Variants in MEIS3 observed in about 807,000 individuals in gnomAD.
The protein encoded by MEIS3 is Meis homeobox 3.
A neutral mutation model predicts 51.4 loss-of-function variants in MEIS3; 38 were observed. The ratio of observed to expected loss-of-function variants is 0.74; its 90% CI spans 0.57 to 0.97. The LOEUF is 0.97. MEIS3 is among the 50% of genes least tolerant of loss of function. The probability of loss-of-function intolerance (pLI) is 0.00; values close to 1 mark genes in which losing one functional copy is unlikely to be tolerated. For synonymous variants in MEIS3, 198 were observed against 201.8 expected (o/e 0.98, Z 0.16); for missense variants, 456 against 502.6 (o/e 0.91, Z 0.89).
In MEIS3 at chr19:47,409,266, G is replaced by A; in HGVS notation, c.710-19C>T. ...CCGTCTCCTGAGGGAAGGCAGGCAT[G>A]CTGTGTGTGTGGGTAGTGAAGAGTG... is the stretch of plus-strand genomic sequence containing the variant. On this transcript the variant is annotated intron_variant, in intron 7 of 12. Transcript: ENST00000558555. The A allele has an allele frequency of 1.2e-6, 2 of 1,601,236 alleles. No individual in the cohort carries two copies. The highest frequency in any genetic ancestry group is 1.7e-6 in the Non-Finnish European group (2 of 1,174,554).
chr19:47,407,279 C>A, intron 9 of MEIS3, 73 bp downstream of exon 9: 1 of 1,546,790 alleles, frequency 6.5e-7, no homozygotes. Context: ...GGGCTCGGGG[C>A]CTCCGTCAGC....
upstream of MEIS3, among the ~76,000 whole-genome samples, chr19:47,421,945 C>T (rs1971724709): frequency 6.6e-6 from 1 of 151,784 alleles, no homozygotes; most frequent in South Asian, 2.1e-4. Context: ...CCCTGGCTCT[C>T]TCCCCTCTCC....
intron 10 of MEIS3, 37 bp from the exon 11 acceptor site, chr19:47,407,008 G>A (rs763386920): frequency 6.3e-7 from 1 of 1,575,946 alleles, no homozygotes; most frequent in Non-Finnish European, 8.6e-7. Flanking sequence ...CTGAGCCCCA[G>A]GAAGCCCGGG....
Position 47,417,247 on chromosome 19 carries a change from C to T in MEIS3, c.116G>A (p.Arg39Gln), listed in dbSNP as rs1568429890. The change falls in exon 2 of 13, where the codon CGG becomes CAG. Residue 39 changes from arginine to glutamine, a missense_variant. Physicochemically the swap from Arg to Gln is conservative, Grantham distance 43 (BLOSUM62 1). Coordinates refer to ENST00000558555, the MANE Select transcript of MEIS3 (RefSeq NM_001301059.2). ...GCCTGGGGGCAGGGGCTGGGGAGGC[C>T]GGTGCGGGCCATAGGGCCCTGGTAC... Reference protein sequence around the residue: ...PAVPGPYGPHRPPQPLPPGLD... With the variant: ...PAVPGPYGPHQPPQPLPPGLD... 4.4e-6 allele frequency: 7 copies of T among 1,605,936 alleles called. No homozygotes were observed. Among genetic ancestry groups the T allele is most frequent in the Non-Finnish European group, 5.1e-6 (6 of 1,176,192 alleles).
chr19:47,421,143 C>T (rs1971704935), upstream of MEIS3, among the ~76,000 whole-genome samples: 1 of 151,964 alleles, frequency 6.6e-6, no homozygotes. Flanking sequence ...TGTCTGGAAG[C>T]GTCTTCCCTG....
At chr19:47,405,370 G>A (rs1272259549) in intron 12 of MEIS3, among the ~76,000 whole-genome samples, 1 of 152,054 alleles carries the variant, frequency 6.6e-6, no homozygotes, top group African/African-American at 2.4e-5. Flanking sequence ...CCCATCCAGA[G>A]GCCACTTCCT....
At chr19:47,409,607 T>TA in intron 6 of MEIS3, 60 bp from the exon 7 acceptor site, 1 of 1,226,416 alleles carries the variant, frequency 8.2e-7, no homozygotes, top group South Asian at 1.2e-5. Flanking sequence ...CTCACGCCTG[T>TA]AATCCCAGCA....
At chr19:47,405,870 G>A (rs951163639) in intron 12 of MEIS3, 6 of 152,226 alleles carry the variant, frequency 3.9e-5, no homozygotes, top group Non-Finnish European at 5.9e-5. Flanking sequence ...TTTATGTTTG[G>A]AGATGTATCA....
chr19:47,418,859 G>A, intron 1 of MEIS3: 1 of 395,612 alleles, frequency 2.5e-6, no homozygotes, highest in Non-Finnish European at 4.4e-6. Context: ...CGATGGGGAG[G>A]AGGCGAGGCC....
intron 6 of MEIS3, among the ~76,000 whole-genome samples, chr19:47,413,196 AGGCCAGC>A (rs1971223304): frequency 6.6e-6 from 1 of 150,760 alleles, no homozygotes; most frequent in South Asian, 2.2e-4. Context: ...CAGGAGTTCG[AGGCCAGC>A]CTGGCCAACA....
intron 8 of MEIS3, among the ~76,000 whole-genome samples, chr19:47,408,162 T>G (rs1181069788): frequency 6.6e-6 from 1 of 151,800 alleles, no homozygotes; most frequent in Non-Finnish European, 1.5e-5. Flanking sequence ...GGTCTCACTC[T>G]GTCACTCAGG....
chr19:47,412,196 AC>A (rs1242230058), intron 6 of MEIS3: 1 of 152,080 alleles, frequency 6.6e-6, no homozygotes, highest in Non-Finnish European at 1.5e-5. Flanking sequence ...GGTAGGATTT[AC>A]CCTCTACCCA....
chr19:47,420,973 CT>C (rs1568434380), upstream of MEIS3, among the ~76,000 whole-genome samples: 4 of 107,570 alleles, frequency 3.7e-5, no homozygotes, highest in South Asian at 3.5e-4. Flanking sequence ...CTCTCTCTCT[CT>C]TCCTGGCTGT....
At position 47,406,983 on chromosome 19, in the gene MEIS3, G is replaced by A. The variant is rs776725562; in HGVS notation, c.995-12C>T. ...GGCTGCACCCTGCCCTGCGAAGGGG[G>A]TTCAGAGGTGCAGGCTGAGCCCCAG... On this transcript the variant is annotated splice_polypyrimidine_tract_variant and intron_variant, in intron 10 of 12. Coordinates refer to ENST00000558555, the MANE Select transcript of MEIS3 (RefSeq NM_001301059.2). The A allele has an allele frequency of 2.5e-6, 4 of 1,573,998 alleles. No individual in the cohort carries two copies. The highest frequency in any genetic ancestry group is 1.2e-5 in the South Asian group (1 of 85,944).
chr19:47,416,678 A>G lies in MEIS3; in HGVS notation c.370T>C (p.Ser124Pro), dbSNP rs528596986. ...AGATTGTCCAGTTCTGGGTTGGAGG[A>G]GAAGAGGGGCCTCTCAGAGCGAACC... is the stretch of plus-strand genomic sequence containing the variant. ...KQVRSERPLFSSNPELDNLMI... is the reference protein window; with the variant it reads ...KQVRSERPLFPSNPELDNLMI... The change falls in exon 4 of 13, where the codon TCC (serine) becomes CCC (proline). Residue 124 changes from serine (S) to proline (P), a missense_variant. Ser to Pro is a moderately conservative substitution (Grantham distance 74). Coordinates refer to ENST00000558555, the MANE Select transcript of MEIS3 (RefSeq NM_001301059.2). 72 of 1,557,062 alleles carry G rather than the reference A, an allele frequency of 4.6e-5. No individual in the cohort carries two copies. The African/African-American group carries it at 8.9e-4, about 19-fold the overall frequency.
At chr19:47,403,621 G>C (rs1970688211) in intron 12 of MEIS3, 68 bp from the exon 13 acceptor site, 1 of 365,754 alleles carries the variant, frequency 2.7e-6, no homozygotes, top group African/African-American at 2.1e-5. Flanking sequence ...CAGCCCATCT[G>C]TGCAGGCCTC....
At chr19:47,408,330 C>A (rs1204029169) in intron 8 of MEIS3, among the ~76,000 whole-genome samples, 1 of 151,938 alleles carries the variant, frequency 6.6e-6, no homozygotes, top group African/African-American at 2.4e-5. Flanking sequence ...CTATGTTGCC[C>A]AGGCTGGTCT....
chr19:47,412,407 A>C (rs1189498141), intron 6 of MEIS3: 1 of 151,934 alleles, frequency 6.6e-6, no homozygotes, highest in Non-Finnish European at 1.5e-5. Context: ...CTTTTTTTTG[A>C]GACAGAGTAT....
At chr19:47,417,745 C>T (rs1971524458) in intron 1 of MEIS3, 2 of 669,708 alleles carry the variant, frequency 3.0e-6, no homozygotes, top group Non-Finnish European at 5.4e-6. Flanking sequence ...ACAAAGTACA[C>T]ATACGAAGCC....
Sources: allele counts gnomAD v4.1 joint callset (sites outside exome capture counted in the v4.1 genomes callset), GRCh38; gene constraint gnomAD v4.1.1; transcripts MANE v1.5; gene names NCBI Gene and HGNC (gene_info 2026-07-23, HGNC 2026-07-21).